XPO4: variants seen among roughly 807,000 people sequenced by gnomAD.
XPO4 encodes exportin 4, also known as exportin-4.
XPO4 carries 39 observed loss-of-function variants against 143.0 expected under a neutral mutation model. The ratio of observed to expected loss-of-function variants is 0.27; its 90% CI spans 0.21 to 0.36. XPO4 has a LOEUF of 0.36. XPO4 is among the 10% of genes least tolerant of loss of function. XPO4 has a pLI of 1.00. For synonymous variants in XPO4, 439 were observed against 474.0 expected, an observed-to-expected ratio of 0.93 and a Z score of 0.96; for missense variants, 907 against 1,348.0, an observed-to-expected ratio of 0.67 and a Z score of 5.12.
intron 4 of XPO4, chr13:20,849,043 A>G (rs1278593867): frequency 1.0e-6 from 1 of 985,334 alleles, no homozygotes; most frequent in Non-Finnish European, 1.2e-6. Context: ...TGCCCTTCAG[A>G]GATAGCTTGC....
At chr13:20,843,168 A>G in intron 5 of XPO4, 120 bp from the exon 6 acceptor site, 1 of 1,022,792 alleles carries the variant, frequency 9.8e-7, no homozygotes, top group Non-Finnish European at 1.4e-6. Flanking sequence ...CATTTCCTTA[A>G]GAACGTGTTC....
chr13:20,869,577 C>A (rs1439292642), intron 1 of XPO4: 1 of 835,004 alleles, frequency 1.2e-6, no homozygotes, highest in Non-Finnish European at 1.4e-6. Flanking sequence ...AAAAATGTTA[C>A]AATCAATTAT....
chr13:20,896,873 C>A (rs1247292101), intron 1 of XPO4, among the ~76,000 whole-genome samples: 1 of 152,140 alleles, frequency 6.6e-6, no homozygotes, highest in Non-Finnish European at 1.5e-5. Flanking sequence ...CCTAGTTTAT[C>A]CAATTGTTTT....
Position 20,808,609 on chromosome 13 carries a change from T to G in XPO4, c.1494-28A>C, listed in dbSNP as rs772610491. On this transcript the variant is annotated intron_variant, in intron 11 of 22. Transcript: ENST00000255305. ...AAAAGAGAAGAAAACAGTAGCTTCA[T>G]AAAGTTCAATAAGCAAAGACATGGA... is the stretch of plus-strand genomic sequence containing the variant. 1.4e-5 allele frequency: 21 copies of G among 1,496,084 alleles called. No individual in the cohort carries two copies. The Admixed American group carries it at 4.1e-4, about 29-fold the overall frequency. The allele number at this position is 1,496,084 out of a possible 1,614,324, so 92.7% of individuals were successfully genotyped here.
chr13:20,877,552 A>AT (rs2060364769), intron 1 of XPO4, among the ~76,000 whole-genome samples: 1 of 152,224 alleles, frequency 6.6e-6, no homozygotes, highest in East Asian at 1.9e-4. Flanking sequence ...TCCTCTAAGA[A>AT]TAGTAAAACA....
At chr13:20,792,876 T>C (rs1200652714) in intron 18 of XPO4, among the ~76,000 whole-genome samples, 3 of 152,116 alleles carry the variant, frequency 2.0e-5, no homozygotes, top group East Asian at 1.9e-4. Context: ...ACCTCCTCTC[T>C]TCCCAGGTTC....
intron 9 of XPO4, among the ~76,000 whole-genome samples, chr13:20,810,298 T>C (rs1188317765): frequency 6.6e-6 from 1 of 152,202 alleles, no homozygotes; most frequent in Non-Finnish European, 1.5e-5. Context: ...AAAATGGTTT[T>C]AGAGAAACTG....
intron 20 of XPO4, among the ~76,000 whole-genome samples, chr13:20,788,133 G>A (rs1261709401): frequency 6.7e-6 from 1 of 148,812 alleles, no homozygotes; most frequent in Non-Finnish European, 1.5e-5. Context: ...TCGGCTCACT[G>A]CCACCTCCGC....
At position 20,864,368 on chromosome 13, in the gene XPO4, T is replaced by C. The variant is rs557905305; in HGVS notation, c.176-1510A>G. On this transcript the variant is annotated intron_variant, in intron 2 of 22. Coordinates refer to ENST00000255305, the MANE Select transcript of XPO4 (RefSeq NM_022459.5). ...TGATGTTTGTTTGCCTATCTTCATT[T>C]TCTACTGCAATAGTAAAAATTTTAA... is the stretch of plus-strand genomic sequence containing the variant. 4.6e-5 allele frequency among the ~76,000 whole-genome samples: 7 copies of C among 152,322 alleles called. No individual in the cohort carries two copies. In the South Asian group the frequency reaches 1.2e-3, roughly 27 times the overall value.
chr13:20,890,821 G>C (rs1419593291), intron 1 of XPO4, among the ~76,000 whole-genome samples: 2 of 136,130 alleles, frequency 1.5e-5, no homozygotes, highest in African/African-American at 5.7e-5. Flanking sequence ...AAAAAAAAAG[G>C]AGCAGGCTGT....
intron 1 of XPO4, among the ~76,000 whole-genome samples, chr13:20,873,049 T>C (rs1001379326): frequency 1.6e-4 from 24 of 149,450 alleles, no homozygotes; most frequent in African/African-American, 5.4e-4. Flanking sequence ...ATCAGAAGGA[T>C]TGGAAGCAAT....
chr13:20,787,140 A>G, intron 21 of XPO4, 83 bp from the exon 22 acceptor site: 1 of 1,170,690 alleles, frequency 8.5e-7, no homozygotes, highest in Non-Finnish European at 1.2e-6. Context: ...AAAGAAGAAG[A>G]GAGGGTTGGT....
intron 6 of XPO4, among the ~76,000 whole-genome samples, chr13:20,838,096 A>G (rs1810717): frequency 0.3 from 44,941 of 152,054 alleles, 8,373 homozygotes; most frequent in East Asian, 0.8. Flanking sequence ...GATTTCATTA[A>G]TGAAACTTTG....
intron 22 of XPO4, among the ~76,000 whole-genome samples, chr13:20,784,304 A>C (rs1354456644): frequency 6.6e-6 from 1 of 152,186 alleles, no homozygotes; most frequent in South Asian, 2.1e-4. Flanking sequence ...TTGACACATA[A>C]TCTAAGTCTG....
intron 9 of XPO4, among the ~76,000 whole-genome samples, chr13:20,818,579 A>G (rs887033909): frequency 6.6e-6 from 1 of 152,220 alleles, no homozygotes; most frequent in African/African-American, 2.4e-5. Context: ...TTCCTACTGG[A>G]AAAAGAAGCT....
chr13:20,892,746 T>C (rs752895627), intron 1 of XPO4, among the ~76,000 whole-genome samples: 1 of 152,092 alleles, frequency 6.6e-6, no homozygotes, highest in Non-Finnish European at 1.5e-5. Context: ...TAGCCAGGTG[T>C]GGTGGCGTGC....
At chr13:20,841,700 T>C (rs1027162195) in intron 6 of XPO4, among the ~76,000 whole-genome samples, 14 of 152,058 alleles carry the variant, frequency 9.2e-5, no homozygotes, top group African/African-American at 3.4e-4. Context: ...TAAGTTTAAA[T>C]GGAAGAAGGA....
At chr13:20,817,147 C>T (rs1358710800) in intron 9 of XPO4, among the ~76,000 whole-genome samples, 3 of 152,192 alleles carry the variant, frequency 2.0e-5, no homozygotes, top group African/African-American at 2.4e-5. Context: ...TTACACTGTA[C>T]GGACACAACC....
At chr13:20,892,180 G>A (rs1006718641) in intron 1 of XPO4, among the ~76,000 whole-genome samples, 3 of 151,900 alleles carry the variant, frequency 2.0e-5, no homozygotes, top group Admixed American at 6.6e-5. Context: ...TTCACCTCCT[G>A]GGTTCAAGCG....
Sources: allele counts gnomAD v4.1 joint callset (sites outside exome capture counted in the v4.1 genomes callset), GRCh38; gene constraint gnomAD v4.1.1; transcripts MANE v1.5; gene names NCBI Gene and HGNC (gene_info 2026-07-23, HGNC 2026-07-21).